The following ADAMTS18 variants were observed in gnomAD, a reference collection of about 807,000 sequenced individuals.
ADAMTS18 encodes the protein A disintegrin and metalloproteinase with thrombospondin motifs 18.
Under a neutral mutation model 165.9 loss-of-function variants are expected in ADAMTS18, and 157 were observed. The ratio of observed to expected loss-of-function variants is 0.95; its 90% confidence interval spans 0.83 to 1.08. ADAMTS18 has a LOEUF of 1.08. Among genes scored for constraint, ADAMTS18 ranks in the 50% least tolerant of loss-of-function variants. The probability of loss-of-function intolerance (pLI) is 0.00; values close to 1 mark genes in which losing one functional copy is unlikely to be tolerated. For synonymous variants in ADAMTS18, 782 were observed against 578.2 expected (o/e 1.35, Z -5.06); for missense variants, 2,040 against 1,534.0 (o/e 1.33, Z -5.51).
rs565280826 is a variant in ADAMTS18 at position 77,403,599 on chromosome 16, T to C, written c.495+27696A>G. On this transcript the variant is annotated intron_variant, in intron 3 of 22. Coordinates refer to ENST00000282849, the MANE Select transcript of ADAMTS18 (RefSeq NM_199355.4). Reference sequence around the variant, plus strand: ...AATATCTCTGCCCCTCTGCCTGGAATAGAGCCTGTTGATGGCTTAGTCAGG... The same window carrying C: ...AATATCTCTGCCCCTCTGCCTGGAACAGAGCCTGTTGATGGCTTAGTCAGG... Among the ~76,000 whole-genome samples the C allele has an allele frequency of 7.9e-5, 12 of 152,344 alleles. No homozygotes were observed. In the South Asian group the frequency reaches 2.5e-3, roughly 32 times the overall value.
intron 4 of ADAMTS18, 28 bp downstream of exon 4, chr16:77,367,413 C>A: frequency 1.9e-6 from 3 of 1,613,672 alleles, no homozygotes; most frequent in Non-Finnish European, 2.5e-6. Context: ...CACATAAGAA[C>A]AGAAAAAGAA....
At chr16:77,365,597 T>C (rs984111634) in intron 4 of ADAMTS18, among the ~76,000 whole-genome samples, 6 of 152,214 alleles carry the variant, frequency 3.9e-5, no homozygotes, top group East Asian at 1.9e-4. Context: ...ATACTGGCCA[T>C]AGCCATTGAG....
intron 17 of ADAMTS18, 66 bp downstream of exon 17, chr16:77,300,197 G>A (rs570880004): frequency 2.3e-5 from 36 of 1,585,922 alleles, no homozygotes; most frequent in African/African-American, 9.4e-5. Context: ...TGTTAAAGAC[G>A]CCTGGAGTGA....
intron 10 of ADAMTS18, among the ~76,000 whole-genome samples, chr16:77,347,014 G>A (rs1446740598): frequency 2.0e-5 from 3 of 152,126 alleles, no homozygotes; most frequent in African/African-American, 4.8e-5. Context: ...TCACCAATAG[G>A]TGAGTGTTGC....
intron 10 of ADAMTS18, among the ~76,000 whole-genome samples, chr16:77,342,841 G>T (rs1000858470): frequency 6.6e-6 from 1 of 152,130 alleles, no homozygotes; most frequent in Non-Finnish European, 1.5e-5. Context: ...AATTTTCCAG[G>T]TGGGCCTAAC....
intron 7 of ADAMTS18, among the ~76,000 whole-genome samples, chr16:77,360,751 G>C (rs1438524694): frequency 6.6e-6 from 1 of 152,132 alleles, no homozygotes. Flanking sequence ...CTTATTTATA[G>C]GACATAACAG....
chr16:77,322,453 G>T lies in ADAMTS18; in HGVS notation c.2046C>A (p.Cys682Ter). 6.2e-7 allele frequency: 1 copy of T among 1,613,972 alleles called. No individual in the cohort carries two copies. The highest frequency in any genetic ancestry group is 1.3e-5 in the African/African-American group (1 of 75,010). Residue 682 changes from cysteine to a stop codon, truncating the protein, a stop_gained, in exon 14 of 23, where the codon TGC becomes TGA. Transcript: ENST00000282849. LOFTEE classifies it high-confidence loss of function. ...PYTKVEEEDR[C>*]KLYCKAENFE... is the part of the protein sequence containing the mutation. ...AGTTCTCAGCCTTGCAGTACAGTTT[G>T]CATCGATCTTCCTCTAGAAACAAAG...
intron 3 of ADAMTS18, among the ~76,000 whole-genome samples, chr16:77,426,922 G>T (rs1249441604): frequency 6.6e-6 from 1 of 152,164 alleles, no homozygotes; most frequent in Non-Finnish European, 1.5e-5. Context: ...GCTGAGTTGG[G>T]AGTATTGCTT....
intron 3 of ADAMTS18, among the ~76,000 whole-genome samples, chr16:77,383,058 C>G (rs908792321): frequency 6.6e-6 from 1 of 152,194 alleles, no homozygotes; most frequent in Non-Finnish European, 1.5e-5. Flanking sequence ...GTTAAGAATA[C>G]TGACAAATTG....
chr16:77,284,062 G>A lies in ADAMTS18; in HGVS notation c.3560C>T (p.Ser1187Phe). The A allele has an allele frequency of 6.2e-7, 1 of 1,608,770 alleles. No homozygotes were observed. The highest frequency in any genetic ancestry group is 1.1e-5 in the South Asian group (1 of 90,982). Residue 1187 changes from serine (S) to phenylalanine (F), a missense_variant, in exon 23 of 23, where the codon TCC (serine) becomes TTC (phenylalanine). Coordinates refer to ENST00000282849, the MANE Select transcript of ADAMTS18 (RefSeq NM_199355.4). Reference sequence around the variant, plus strand: ...ACACCAGTTGAAGAAATCTACGCAGGATGGATCCTCTAAAATAAGAAAATA... The same window carrying A: ...ACACCAGTTGAAGAAATCTACGCAGAATGGATCCTCTAAAATAAGAAAATA... ...CPAPEKREDP[S>F]CVDFFNWCHL...
chr16:77,358,663 A>T (rs1238538288), intron 8 of ADAMTS18, among the ~76,000 whole-genome samples: 1 of 152,224 alleles, frequency 6.6e-6, no homozygotes, highest in Non-Finnish European at 1.5e-5. Context: ...TGCTTTGAAA[A>T]TATATGAGTT....
intron 3 of ADAMTS18, among the ~76,000 whole-genome samples, chr16:77,412,418 G>A (rs1027966014): frequency 6.6e-6 from 1 of 151,940 alleles, no homozygotes; most frequent in Non-Finnish European, 1.5e-5. Flanking sequence ...TGCAATTCAT[G>A]GACTCAAGCG....
chr16:77,387,621 G>A (rs185260426), intron 3 of ADAMTS18, among the ~76,000 whole-genome samples: 280 of 152,236 alleles, frequency 1.8e-3, no homozygotes, highest in African/African-American at 6.4e-3. Flanking sequence ...TTCTTGTAAT[G>A]AGGCGATTAC....
intron 10 of ADAMTS18, among the ~76,000 whole-genome samples, chr16:77,343,211 T>C (rs1182366692): frequency 3.9e-5 from 6 of 152,076 alleles, no homozygotes; most frequent in Non-Finnish European, 8.8e-5. Flanking sequence ...GTAACTGGGA[T>C]TACAAGCACG....
In ADAMTS18 at chr16:77,407,706, T is replaced by C. The variant is rs1349211779; in HGVS notation, c.495+23589A>G. ...TAGTGTGCCTGTAGTGTCTTTCTGA[T>C]AAAATGCTGTATCAGGTGAATTTCC... On this transcript the variant is annotated intron_variant, in intron 3 of 22. Coordinates refer to ENST00000282849, the MANE Select transcript of ADAMTS18 (RefSeq NM_199355.4). 5.3e-5 allele frequency among the ~76,000 whole-genome samples: 8 copies of C among 152,102 alleles called. 1 individual carries two copies. The South Asian group carries it at 1.2e-3, about 24-fold the overall frequency.
rs1395303312 is a variant in ADAMTS18, at chr16:77,367,679, T to C, written c.540A>G (p.Pro180=). ...RTRKNEFLIS[P]LPQLLAQEHN... The stretch of plus-strand genomic sequence containing the variant: ...GTTCCTGGGCCAGAAGCTGAGGTAA[T>C]GGCGAGATGAGGAATTCATTTTTTC... The change falls in exon 4 of 23, where the codon CCA becomes CCG. Residue 180 remains proline, a synonymous_variant. Coordinates refer to ENST00000282849, the MANE Select transcript of ADAMTS18 (RefSeq NM_199355.4). 3.1e-6 allele frequency: 5 copies of C among 1,614,084 alleles called. No homozygotes were observed. Among genetic ancestry groups the C allele is most frequent in the Admixed American group, 1.7e-5 (1 of 60,004 alleles).
chr16:77,308,164 GA>G (rs1448776777), intron 16 of ADAMTS18, among the ~76,000 whole-genome samples: 2 of 151,884 alleles, frequency 1.3e-5, no homozygotes, highest in Non-Finnish European at 2.9e-5. Flanking sequence ...TAAACATAGA[GA>G]AAAAAATTCC....
chr16:77,386,236 G>A (rs1409956206), intron 3 of ADAMTS18, among the ~76,000 whole-genome samples: 1 of 152,120 alleles, frequency 6.6e-6, no homozygotes, highest in Non-Finnish European at 1.5e-5. Flanking sequence ...CCCAGTTAAG[G>A]GGCTCAGAGC....
At chr16:77,287,259 C>T (rs1410824127) in intron 22 of ADAMTS18, among the ~76,000 whole-genome samples, 1 of 152,140 alleles carries the variant, frequency 6.6e-6, no homozygotes, top group Non-Finnish European at 1.5e-5. Flanking sequence ...CTCCTTACTG[C>T]TCACTAATGT....
Sources: gnomAD v4.1 joint callset for allele counts (sites outside exome capture counted in the v4.1 genomes callset) on GRCh38, gnomAD v4.1.1 for gene constraint, MANE v1.5 for transcripts, NCBI Gene and HGNC (gene_info 2026-07-23, HGNC 2026-07-21) for gene names.